The following CHD9 variants were observed in gnomAD, a reference collection of about 807,000 sequenced individuals.
CHD9 encodes the protein chromodomain helicase DNA binding protein 9.
CHD9 carries 77 observed loss-of-function variants against 316.1 expected under a neutral mutation model. The observed-to-expected ratio is 0.24, with a 90% CI of 0.20 to 0.29. The LOEUF is 0.29. CHD9 is among the 10% of genes least tolerant of loss of function. The probability of loss-of-function intolerance (pLI) is 1.00; values close to 1 mark genes in which losing one functional copy is unlikely to be tolerated. For synonymous variants in CHD9, 1,129 were observed against 1,158.3 expected (o/e 0.97, Z 0.51); for missense variants, 2,763 against 3,438.1 (o/e 0.80, Z 4.91).
rs369543697 is a variant in CHD9, at chr16:53,295,034, A to G, written c.5511-1922A>G. Reference sequence around the variant, plus strand: ...TATTTTTGACTTCATACCCTAGCCTATATTGTTTCTATCACCTGGAACACC... The same window carrying G: ...TATTTTTGACTTCATACCCTAGCCTGTATTGTTTCTATCACCTGGAACACC... On this transcript the variant is annotated intron_variant, in intron 29 of 38. Coordinates refer to ENST00000447540, the MANE Select transcript of CHD9 (RefSeq NM_001308319.2). 2.6e-5 allele frequency among the ~76,000 whole-genome samples: 4 copies of G among 152,176 alleles called. No individual in the cohort carries two copies. The South Asian group carries it at 8.3e-4, about 32-fold the overall frequency.
chr16:53,232,554 T>C (rs1405973108), intron 10 of CHD9, among the ~76,000 whole-genome samples: 1 of 152,132 alleles, frequency 6.6e-6, no homozygotes, highest in Non-Finnish European at 1.5e-5. Context: ...TTTGTTTTGT[T>C]TTCCTTTCTT....
At position 53,303,754 on chromosome 16, in the gene CHD9, C is replaced by T. The variant is rs2055666348; in HGVS notation, c.5748C>T (p.Ile1916=). The part of the protein sequence containing the change: ...LVDPNIFIQP[I]TEERASRTLY... ...ATCCAAATATTTTTATCCAGCCCAT[C>T]ACAGAAGAACGTGCTTCTAGGACTT... The change falls in exon 31 of 39, where the codon ATC becomes ATT. Residue 1916 remains isoleucine (I), a synonymous_variant. Transcript: ENST00000447540. The T allele has an allele frequency of 6.2e-7, 1 of 1,612,326 alleles. No homozygotes were observed. The highest frequency in any genetic ancestry group is 1.3e-5 in the African/African-American group (1 of 74,882).
intron 2 of CHD9, chr16:53,208,537 G>A: frequency 9.6e-7 from 1 of 1,046,188 alleles, no homozygotes; most frequent in Non-Finnish European, 1.2e-6. Context: ...TGGCATTTTA[G>A]TGAGCAATTC....
In CHD9 at chr16:53,231,595, A is replaced by G. The variant is rs530850809; in HGVS notation, c.2374-52A>G. On this transcript the variant is annotated intron_variant, in intron 9 of 38. Coordinates refer to ENST00000447540, the MANE Select transcript of CHD9 (RefSeq NM_001308319.2). Reference sequence around the variant, plus strand: ...TAGTACTTTATTCTCTGTTTAAACTATTTCTTACTAGTGTCTTTTTCAAAA... The same window carrying G: ...TAGTACTTTATTCTCTGTTTAAACTGTTTCTTACTAGTGTCTTTTTCAAAA... 138 of 1,419,666 alleles carry G rather than the reference A, an allele frequency of 9.7e-5. 1 individual carries two copies. The African/African-American group carries it at 1.2e-3, about 12-fold the overall frequency. The allele number at this position is 1,419,666 out of a possible 1,614,324, so 87.9% of individuals were successfully genotyped here.
chr16:53,172,607 G>A (rs926814976), intron 2 of CHD9, among the ~76,000 whole-genome samples: 10 of 152,240 alleles, frequency 6.6e-5, no homozygotes, highest in African/African-American at 1.7e-4. Flanking sequence ...TTTCTAAAGA[G>A]ATTGTACCAT....
intron 7 of CHD9, 52 bp downstream of exon 7, chr16:53,227,655 TTAATA>T (rs2152919406): frequency 2.2e-6 from 1 of 459,942 alleles, no homozygotes; most frequent in East Asian, 4.2e-5. Context: ...TACATATAAA[TTAATA>T]TATTTAATAA....
chr16:53,244,998 C>T (rs975811293), intron 13 of CHD9, among the ~76,000 whole-genome samples: 1 of 151,864 alleles, frequency 6.6e-6, no homozygotes, highest in African/African-American at 2.4e-5. Context: ...TACCTGTAGT[C>T]CTAGCTACTC....
chr16:53,267,867 G>A, intron 21 of CHD9, 60 bp from the exon 22 acceptor site: 1 of 1,440,702 alleles, frequency 6.9e-7, no homozygotes, highest in Non-Finnish European at 9.6e-7. Flanking sequence ...TTATCTATGA[G>A]TTAATATTTT....
intron 1 of CHD9, among the ~76,000 whole-genome samples, chr16:53,118,397 G>A (rs1446788855): frequency 1.3e-5 from 2 of 152,146 alleles, no homozygotes; most frequent in African/African-American, 2.4e-5. Flanking sequence ...AGCCTGAGCA[G>A]TAGAGCAAGA....
chr16:53,268,206 T>A (rs1037531554), intron 22 of CHD9, 80 bp downstream of exon 22: 10 of 980,474 alleles, frequency 1.0e-5, no homozygotes, highest in Non-Finnish European at 1.3e-5. Flanking sequence ...CTATAAAATA[T>A]AAAAGCATTA....
At chr16:53,276,110 C>T (rs1039760203) in intron 24 of CHD9, among the ~76,000 whole-genome samples, 1 of 152,204 alleles carries the variant, frequency 6.6e-6, no homozygotes, top group Non-Finnish European at 1.5e-5. Flanking sequence ...TTCATGCCCC[C>T]TCTTTCCTCA....
At position 53,303,969 on chromosome 16, in the gene CHD9, G is replaced by T; in HGVS notation, c.5963G>T (p.Arg1988Leu). 2 of 1,613,994 alleles carry T rather than the reference G, an allele frequency of 1.2e-6. No individual in the cohort carries two copies. The highest frequency in any genetic ancestry group is 1.6e-4 in the Middle Eastern group (1 of 6,062). ...GVSRTDYHIL[R>L]DPELSFMAAQ... Reference sequence around the variant, plus strand: ...AGCCGAACAGACTATCACATTCTTCGTGATCCTGAACTCTCATTTATGGCA... The same window carrying T: ...AGCCGAACAGACTATCACATTCTTCTTGATCCTGAACTCTCATTTATGGCA... The change falls in exon 31 of 39, where the codon CGT becomes CTT. Residue 1988 changes from arginine (R) to leucine (L), a missense_variant. Arg to Leu is a moderately radical substitution (Grantham distance 102, BLOSUM62 -2). Transcript: ENST00000447540.
chr16:53,100,745 C>T (rs982146097), intron 1 of CHD9, among the ~76,000 whole-genome samples: 3 of 152,156 alleles, frequency 2.0e-5, no homozygotes, highest in Non-Finnish European at 4.4e-5. Context: ...GGATTACAGG[C>T]GTGAGCTGCC....
intron 3 of CHD9, among the ~76,000 whole-genome samples, chr16:53,218,136 A>C (rs1029789758): frequency 2.6e-5 from 4 of 152,234 alleles, no homozygotes; most frequent in African/African-American, 9.6e-5. Context: ...TAGAAGGTTT[A>C]GTAGGGAAAT....
rs770583153 is a variant in CHD9, at chr16:53,254,594, A to G, written c.4018A>G (p.Asn1340Asp). 3 of 1,603,478 alleles carry G rather than the reference A, an allele frequency of 1.9e-6. No homozygotes were observed. Among genetic ancestry groups the G allele is most frequent in the South Asian group, 2.2e-5 (2 of 89,050 alleles). The change falls in exon 18 of 39, where the codon AAT becomes GAT. Residue 1340 changes from asparagine (N) to aspartate (D), a missense_variant. Physicochemically the swap from Asn to Asp is conservative, Grantham distance 23 (BLOSUM62 1). Transcript: ENST00000447540. ...VLQSMSGRESNVGGIQQLSKK... is the reference protein window; with the variant it reads ...VLQSMSGRESDVGGIQQLSKK... ...ACAGAGCATGAGTGGAAGAGAAAGT[A>G]ATGTTGGTGGTGTATGTATAGTTTC...
chr16:53,144,993 T>G (rs942281127), intron 1 of CHD9, among the ~76,000 whole-genome samples: 2 of 80,174 alleles, frequency 2.5e-5, no homozygotes, highest in African/African-American at 6.0e-5. Flanking sequence ...AGACCCTGTC[T>G]CAAAAAAAAA....
intron 17 of CHD9, among the ~76,000 whole-genome samples, chr16:53,251,294 T>G (rs2050107039): frequency 6.6e-6 from 1 of 152,240 alleles, no homozygotes; most frequent in Admixed American, 6.5e-5. Flanking sequence ...AAATGCATGT[T>G]TGTACTTATA....
At chr16:53,097,486 A>C (rs2036485405) in intron 1 of CHD9, among the ~76,000 whole-genome samples, 1 of 151,792 alleles carries the variant, frequency 6.6e-6, no homozygotes, top group African/African-American at 2.4e-5. Context: ...TGCAGCCTCA[A>C]ACTCCTAGGC....
chr16:53,193,175 C>T (rs561321097), intron 2 of CHD9, among the ~76,000 whole-genome samples: 2 of 152,152 alleles, frequency 1.3e-5, no homozygotes, highest in East Asian at 1.9e-4. Flanking sequence ...TCCGGCCGGG[C>T]ACGGTGGCTC....
Sources: allele counts gnomAD v4.1 joint callset (sites outside exome capture counted in the v4.1 genomes callset), GRCh38; gene constraint gnomAD v4.1.1; transcripts MANE v1.5; gene names NCBI Gene and HGNC (gene_info 2026-07-23, HGNC 2026-07-21).